Variants in EYA2 observed in about 807,000 individuals in gnomAD.
EYA2 encodes protein phosphatase EYA2.
In EYA2, 31 loss-of-function variants were observed where a neutral mutation model predicts 69.2. That is an observed-to-expected ratio of 0.45 (90% CI 0.34 to 0.60). EYA2 has a LOEUF of 0.60. EYA2 is among the 20% of genes least tolerant of loss of function. The pLI, the probability that EYA2 is intolerant of heterozygous loss-of-function variation, is 0.02. For missense variants in EYA2, 622 were observed against 701.2 expected (o/e 0.89, Z 1.28); for synonymous variants, 257 against 279.4 (o/e 0.92, Z 0.80).
chr20:46,973,673 G>C (rs1462029388), intron 1 of EYA2, among the ~76,000 whole-genome samples: 1 of 152,118 alleles, frequency 6.6e-6, no homozygotes, highest in East Asian at 1.9e-4. Context: ...GAACATTGTT[G>C]AGTCTAAGTA....
At chr20:46,952,787 C>T (rs935910190) in intron 1 of EYA2, among the ~76,000 whole-genome samples, 3 of 152,216 alleles carry the variant, frequency 2.0e-5, no homozygotes, top group African/African-American at 7.2e-5. Flanking sequence ...GAAATAAGAA[C>T]CTCATACCAG....
At chr20:47,031,054 C>T (rs1984382222) in intron 5 of EYA2, among the ~76,000 whole-genome samples, 2 of 152,190 alleles carry the variant, frequency 1.3e-5, no homozygotes, top group Non-Finnish European at 2.9e-5. Context: ...CTGGGGGCCA[C>T]AATTCAGTTG....
In EYA2 at chr20:47,188,263, C is replaced by T. The variant is rs1409930081; in HGVS notation, c.*130C>T. On this transcript the variant is annotated 3_prime_UTR_variant, in exon 16 of 16. Coordinates refer to ENST00000327619, the MANE Select transcript of EYA2 (RefSeq NM_005244.5). The stretch of plus-strand genomic sequence containing the variant: ...GGGCCCCACAGCCGAGACGACGTGT[C>T]CAGTGACCATCTCAGAAGCCGTCCA... 7 of 780,560 alleles carry T rather than the reference C, an allele frequency of 9.0e-6. No individual in the cohort carries two copies. Among genetic ancestry groups the T allele is most frequent in the Non-Finnish European group, 1.5e-5 (7 of 472,138 alleles). 48.4% of individuals were successfully genotyped at this position (780,560 alleles called of 1,614,324 possible).
At chr20:46,897,754 C>T (rs1983883969) in intron 1 of EYA2, among the ~76,000 whole-genome samples, 3 of 152,186 alleles carry the variant, frequency 2.0e-5, no homozygotes, top group Admixed American at 2.0e-4. Flanking sequence ...GTGGAGGTGC[C>T]TTCTTTAGAC....
At chr20:47,149,688 C>CA (rs59780173) in intron 10 of EYA2, among the ~76,000 whole-genome samples, 4,815 of 102,460 alleles carry the variant, frequency 0.047, 245 homozygotes, top group African/African-American at 0.14. Context: ...ACTAAAAATA[C>CA]AAAAAAAAAA....
At chr20:47,170,881 A>AACTT (rs1397283511) in intron 11 of EYA2, among the ~76,000 whole-genome samples, 1 of 152,350 alleles carries the variant, frequency 6.6e-6, no homozygotes, top group East Asian at 1.9e-4. Flanking sequence ...TGTCTCTCCC[A>AACTT]ACTTACTGCA....
chr20:47,049,377 C>T (rs12625037), intron 5 of EYA2, among the ~76,000 whole-genome samples: 9,992 of 152,110 alleles, frequency 0.066, 442 homozygotes, highest in South Asian at 0.11. Flanking sequence ...GTCAAGGGTC[C>T]CTGATATGGT....
intron 1 of EYA2, among the ~76,000 whole-genome samples, chr20:46,987,916 G>GACTCTCTCTCCCTCTCTCCCTCTC (rs56288405): frequency 4.9e-5 from 1 of 20,352 alleles, no homozygotes; most frequent in Non-Finnish European, 9.6e-5. Context: ...GACAGAGTAA[G>GACTCTCTCTCCCTCTCTCCCTCTC]TCTCTCTCTC....
At chr20:47,114,298 C>G (rs1042795693) in intron 9 of EYA2, among the ~76,000 whole-genome samples, 14 of 152,192 alleles carry the variant, frequency 9.2e-5, no homozygotes, top group African/African-American at 3.1e-4. Flanking sequence ...CGTTTTTAGC[C>G]TTTCCTCTTC....
intron 7 of EYA2, among the ~76,000 whole-genome samples, chr20:47,080,804 T>G (rs1324567789): frequency 2.6e-5 from 4 of 152,150 alleles, no homozygotes; most frequent in African/African-American, 9.7e-5. Context: ...GCAGGCGAAC[T>G]GCCACTTTCT....
intron 10 of EYA2, among the ~76,000 whole-genome samples, chr20:47,168,115 C>A (rs2034242423): frequency 6.6e-6 from 1 of 152,202 alleles, no homozygotes; most frequent in Non-Finnish European, 1.5e-5. Context: ...ATCCTTGAAG[C>A]AATCACTGTG....
intron 1 of EYA2, among the ~76,000 whole-genome samples, chr20:46,934,684 C>T (rs1364389592): frequency 6.6e-6 from 1 of 151,962 alleles, no homozygotes; most frequent in Non-Finnish European, 1.5e-5. Context: ...ACCGTTCATT[C>T]AAACTTGATT....
chr20:47,086,536 G>T (rs1371157697), intron 7 of EYA2, among the ~76,000 whole-genome samples: 1 of 152,112 alleles, frequency 6.6e-6, no homozygotes, highest in African/African-American at 2.4e-5. Context: ...GAAAAGGAGG[G>T]GGTCAGGGGA....
At chr20:46,895,388 C>G (rs1983751872) in intron 1 of EYA2, among the ~76,000 whole-genome samples, 1 of 152,252 alleles carries the variant, frequency 6.6e-6, no homozygotes, top group African/African-American at 2.4e-5. Context: ...TCCGCAAACT[C>G]AAGCCCTCAG....
intron 1 of EYA2, among the ~76,000 whole-genome samples, chr20:46,917,698 T>G (rs1422538073): frequency 6.6e-6 from 1 of 152,230 alleles, no homozygotes; most frequent in African/African-American, 2.4e-5. Context: ...CATAGGCCAC[T>G]AAGTGTGCAA....
chr20:47,057,342 A>G (rs906237939), intron 5 of EYA2, among the ~76,000 whole-genome samples: 3 of 152,162 alleles, frequency 2.0e-5, no homozygotes, highest in Non-Finnish European at 4.4e-5. Context: ...ATTCTGGGTA[A>G]AGAAAAGAAA....
chr20:47,085,319 T>C (rs1045470427), intron 7 of EYA2, among the ~76,000 whole-genome samples: 1 of 152,146 alleles, frequency 6.6e-6, no homozygotes, highest in Non-Finnish European at 1.5e-5. Flanking sequence ...CAAATTCTGA[T>C]GTATCCATAC....
intron 1 of EYA2, among the ~76,000 whole-genome samples, chr20:46,940,200 C>G (rs926995591): frequency 6.6e-6 from 1 of 152,178 alleles, no homozygotes; most frequent in African/African-American, 2.4e-5. Context: ...AAAGAATGTG[C>G]AGGAACACAA....
intron 1 of EYA2, among the ~76,000 whole-genome samples, chr20:46,959,337 T>G (rs1305044762): frequency 6.6e-6 from 1 of 152,198 alleles, no homozygotes; most frequent in Non-Finnish European, 1.5e-5. Context: ...GGACCATTCC[T>G]TTGTTGGGGG....
Sources: gnomAD v4.1 joint callset for allele counts (sites outside exome capture counted in the v4.1 genomes callset) on GRCh38, gnomAD v4.1.1 for gene constraint, MANE v1.5 for transcripts, NCBI Gene and HGNC (gene_info 2026-07-23, HGNC 2026-07-21) for gene names.